The following NR2C1 variants were observed in gnomAD, a reference collection of about 807,000 sequenced individuals.
NR2C1 encodes the protein TR2 nuclear hormone receptor.
In NR2C1, 33 loss-of-function variants were observed where a neutral mutation model predicts 74.8. The observed-to-expected ratio is 0.44, with a 90% CI of 0.33 to 0.59. NR2C1 has a LOEUF of 0.59. NR2C1 is among the 20% of genes least tolerant of loss of function. The pLI is 0.02. For missense variants in NR2C1, 568 were observed against 715.6 expected, an observed-to-expected ratio of 0.79 and a Z score of 2.35; for synonymous variants, 225 against 240.6, an observed-to-expected ratio of 0.94 and a Z score of 0.60.
chr12:95,027,719 G>C (rs1029420808), intron 12 of NR2C1, among the ~76,000 whole-genome samples: 1 of 151,922 alleles, frequency 6.6e-6, no homozygotes, highest in African/African-American at 2.4e-5. Flanking sequence ...CTGGGCGACA[G>C]AGTGAGACTC....
Position 95,062,609 on chromosome 12 carries a change from G to C in NR2C1, c.184C>G (p.Gln62Glu), listed in dbSNP as rs1372281960. Residue 62 changes from glutamine to glutamate, a missense_variant, in exon 3 of 14, where the codon CAA (glutamine) becomes GAA (glutamate). Physicochemically the swap from Gln to Glu is conservative, Grantham distance 29. Around this residue, in one of 6 missense-constraint regions of NR2C1, gnomAD observed 128 missense variants for 118.9 expected, o/e 1.08. Transcript: ENST00000333003. ...AAAACTTTTCCCGGAGTGGAATCTT[G>C]CCTGGCCAGAATGACTTTGCTTGGA... The part of the protein sequence containing the change: ...STPSKVILAR[Q>E]DSTPGKVFLT... 2 of 1,613,918 alleles carry C rather than the reference G, an allele frequency of 1.2e-6. No individual in the cohort carries two copies. The highest frequency in any genetic ancestry group is 2.7e-5 in the African/African-American group (2 of 74,870).
chr12:95,048,589 G>A (rs1488908205), intron 9 of NR2C1, among the ~76,000 whole-genome samples: 1 of 149,886 alleles, frequency 6.7e-6, no homozygotes, highest in Non-Finnish European at 1.5e-5. Flanking sequence ...GAAGAGAAAA[G>A]CCTAAAGACA....
At chr12:95,062,458 ATT>A in intron 3 of NR2C1, 48 bp downstream of exon 3, 1 of 1,206,602 alleles carries the variant, frequency 8.3e-7, no homozygotes, top group Non-Finnish European at 1.2e-6. Context: ...TATGATTAAA[ATT>A]TTTTTTTTAT....
intron 10 of NR2C1, 44 bp from the exon 11 acceptor site, chr12:95,031,532 A>C (rs368032621): frequency 6.8e-7 from 1 of 1,462,306 alleles, no homozygotes; most frequent in African/African-American, 1.4e-5. Context: ...TATTATTAAA[A>C]TAAGTTTTAT....
intron 9 of NR2C1, among the ~76,000 whole-genome samples, chr12:95,046,901 C>T (rs1872387368): frequency 6.6e-6 from 1 of 152,000 alleles, no homozygotes; most frequent in Non-Finnish European, 1.5e-5. Context: ...ATGAAGTGGT[C>T]CTTTTCAGGA....
At position 95,051,934 on chromosome 12, in the gene NR2C1, A is replaced by G. The variant is rs1347221863; in HGVS notation, c.793T>C (p.Cys265Arg). The G allele has an allele frequency of 1.9e-6, 3 of 1,574,708 alleles. No homozygotes were observed. The highest frequency in any genetic ancestry group is 2.3e-5 in the East Asian group (1 of 44,288). The change falls in exon 8 of 14, where the codon TGT (cysteine) becomes CGT (arginine). Residue 265 changes from cysteine (C) to arginine (R), a missense_variant. Transcript: ENST00000333003. Reference protein sequence around the residue: ...VLMTSDKAESCQGDLSTLANV... With the variant: ...VLMTSDKAESRQGDLSTLANV... Reference sequence around the variant, plus strand: ...GCCAATGTACTTAAATCTCCCTGACATGATTCAGCCTTTAAAAAAAAGGGT... The same window carrying G: ...GCCAATGTACTTAAATCTCCCTGACGTGATTCAGCCTTTAAAAAAAAGGGT...
rs531349721 is a variant in NR2C1, at chr12:95,067,673, C to T, written c.-7-282G>A. ...CAACCTCCTGGGCTCAAGTGATCCT[C>T]CCACCTCAGCCTCCTGAGTAGCTGG... On this transcript the variant is annotated intron_variant, in intron 1 of 13. Coordinates refer to ENST00000333003, the MANE Select transcript of NR2C1 (RefSeq NM_003297.4). 5.9e-5 allele frequency among the ~76,000 whole-genome samples: 9 copies of T among 151,874 alleles called. No individual in the cohort carries two copies. The South Asian group carries it at 1.7e-3, about 28-fold the overall frequency.
At chr12:95,036,359 G>C (rs1008370157) in intron 10 of NR2C1, among the ~76,000 whole-genome samples, 4 of 151,618 alleles carry the variant, frequency 2.6e-5, no homozygotes, top group Non-Finnish European at 5.9e-5. Context: ...AATTGCTTGA[G>C]GCAAGGAGTT....
chr12:95,027,128 C>A (rs1869462936), intron 12 of NR2C1, among the ~76,000 whole-genome samples: 1 of 152,216 alleles, frequency 6.6e-6, no homozygotes, highest in African/African-American at 2.4e-5. Flanking sequence ...GATTAGAGCT[C>A]ACTGCAGCCT....
intron 1 of NR2C1, among the ~76,000 whole-genome samples, chr12:95,072,180 G>A (rs1412002441): frequency 1.3e-5 from 2 of 151,488 alleles, no homozygotes; most frequent in African/African-American, 4.8e-5. Flanking sequence ...TTGGGAGGCC[G>A]AGGCGGGTGG....
chr12:95,041,284 G>A (rs576279891), intron 9 of NR2C1, among the ~76,000 whole-genome samples: 1 of 152,148 alleles, frequency 6.6e-6, no homozygotes, highest in African/African-American at 2.4e-5. Flanking sequence ...TCGAGAGATC[G>A]AGACCATCCC....
intron 2 of NR2C1, among the ~76,000 whole-genome samples, chr12:95,064,593 A>T (rs571137508): frequency 6.6e-6 from 1 of 152,038 alleles, no homozygotes; most frequent in Admixed American, 6.5e-5. Context: ...GTCAAGGATG[A>T]TTATAAAATT....
At chr12:95,031,229 G>A (rs1870062810) in intron 11 of NR2C1, 120 bp downstream of exon 11, 3 of 785,800 alleles carry the variant, frequency 3.8e-6, no homozygotes, top group African/African-American at 1.8e-5. Context: ...AAAGTAAGAA[G>A]AGCATTGGTA....
At chr12:95,034,881 T>C (rs1303295784) in intron 10 of NR2C1, among the ~76,000 whole-genome samples, 1 of 152,134 alleles carries the variant, frequency 6.6e-6, no homozygotes, top group Non-Finnish European at 1.5e-5. Context: ...CAAAACTGCC[T>C]AATGATGCAT....
At chr12:95,036,639 T>C (rs931435449) in intron 10 of NR2C1, among the ~76,000 whole-genome samples, 4 of 152,014 alleles carry the variant, frequency 2.6e-5, no homozygotes, top group Non-Finnish European at 5.9e-5. Flanking sequence ...GCCTCCTGCG[T>C]AGCTGGGATT....
chr12:95,056,579 C>T (rs937377135), intron 7 of NR2C1, among the ~76,000 whole-genome samples: 1 of 152,062 alleles, frequency 6.6e-6, no homozygotes, highest in Admixed American at 6.6e-5. Flanking sequence ...TTCCTTTTAC[C>T]TGAAATATTT....
At chr12:95,065,903 C>A (rs1875612850) in intron 2 of NR2C1, among the ~76,000 whole-genome samples, 1 of 150,150 alleles carries the variant, frequency 6.7e-6, no homozygotes, top group Admixed American at 6.6e-5. Flanking sequence ...TGAGCCAAGA[C>A]AGCGCCACTA....
At chr12:95,062,438 T>C (rs1322373957) in intron 3 of NR2C1, 70 bp downstream of exon 3, 3 of 1,010,754 alleles carry the variant, frequency 3.0e-6, no homozygotes, top group Admixed American at 2.4e-5. Flanking sequence ...AAAGTCTTCA[T>C]GGCAGGGCTT....
chr12:95,031,083 T>C (rs1037840811), intron 11 of NR2C1, among the ~76,000 whole-genome samples: 2 of 152,228 alleles, frequency 1.3e-5, no homozygotes, highest in South Asian at 4.1e-4. Context: ...GATTCTTTGA[T>C]AGTTGCACAA....
Sources: allele counts gnomAD v4.1 joint callset (sites outside exome capture counted in the v4.1 genomes callset), GRCh38; gene constraint gnomAD v4.1.1; regional missense constraint gnomAD v4.1.1; transcripts MANE v1.5; gene names NCBI Gene and HGNC (gene_info 2026-07-23, HGNC 2026-07-21).